B3GALT1: variants seen among roughly 807,000 people sequenced by gnomAD.
B3GALT1 encodes the protein beta-1,3-galactosyltransferase 1, also known as UDP-Gal:betaGlcNAc beta 1,3-galactosyltransferase, polypeptide 1.
Under a neutral mutation model 23.2 loss-of-function variants are expected in B3GALT1, and 10 were observed. The observed-to-expected ratio is 0.43, with a 90% CI of 0.27 to 0.73. The LOEUF is 0.73. Ranked by LOEUF, B3GALT1 falls within the 30% of genes least tolerant of loss-of-function variation. B3GALT1 has a pLI of 0.21. For synonymous variants in B3GALT1, 156 were observed against 141.5 expected, an observed-to-expected ratio of 1.10 and a Z score of -0.73; for missense variants, 299 against 405.4, an observed-to-expected ratio of 0.74 and a Z score of 2.25.
At chr2:167,384,753 C>G (rs1044484480) in intron 1 of B3GALT1, among the ~76,000 whole-genome samples, 6 of 152,078 alleles carry the variant, frequency 3.9e-5, no homozygotes, top group Non-Finnish European at 7.4e-5. Context: ...CTGGCCTTTT[C>G]TTTCTCTCAT....
intron 1 of B3GALT1, among the ~76,000 whole-genome samples, chr2:167,318,866 G>A (rs1696760499): frequency 6.6e-6 from 1 of 152,072 alleles, no homozygotes; most frequent in Admixed American, 6.5e-5. Context: ...GCCACAGAAA[G>A]CCAGCTGTGT....
At chr2:167,306,927 A>G (rs1696560850) in intron 1 of B3GALT1, among the ~76,000 whole-genome samples, 2 of 152,090 alleles carry the variant, frequency 1.3e-5, no homozygotes, top group African/African-American at 4.8e-5. Context: ...TGTGTCTCTT[A>G]TAATTGGTAT....
intron 3 of B3GALT1, among the ~76,000 whole-genome samples, chr2:167,655,977 G>A (rs941767929): frequency 8.6e-5 from 13 of 152,018 alleles, no homozygotes; most frequent in South Asian, 8.3e-4. Context: ...AGAAAGTGTC[G>A]AAGTATTCCA....
intron 4 of B3GALT1, among the ~76,000 whole-genome samples, chr2:167,833,264 C>G (rs13430582): frequency 0.013 from 1,986 of 152,308 alleles, 38 homozygotes; most frequent in African/African-American, 0.045. Context: ...CCCTCCTTGG[C>G]TTCTTTGTCC....
rs557648417 is a variant in B3GALT1, at chr2:167,651,477, G to A, written c.-352+4511G>A. Among the ~76,000 whole-genome samples, 9 of 151,954 alleles carry A rather than the reference G, an allele frequency of 5.9e-5. No individual in the cohort carries two copies. The South Asian group carries it at 1.0e-3, about 18-fold the overall frequency. On this transcript the variant is annotated intron_variant, in intron 3 of 4. Transcript: ENST00000392690. ...CTGAGTCACTAAATTATCTTTTAAC[G>A]TGTGCAGTCAACATAGTTGTTTCTT... is the stretch of plus-strand genomic sequence containing the variant.
At chr2:167,473,560 T>TA (rs1225282780) in intron 1 of B3GALT1, among the ~76,000 whole-genome samples, 1 of 152,090 alleles carries the variant, frequency 6.6e-6, no homozygotes, top group Non-Finnish European at 1.5e-5. Context: ...ATTATCATCA[T>TA]AGAGTGTTCC....
chr2:167,604,270 CATGTGATTAT>C (rs928421225), intron 2 of B3GALT1, among the ~76,000 whole-genome samples: 2 of 152,078 alleles, frequency 1.3e-5, no homozygotes, highest in African/African-American at 4.8e-5. Context: ...CAGCTGCCCC[CATGTGATTAT>C]ATGTGATTAT....
intron 2 of B3GALT1, among the ~76,000 whole-genome samples, chr2:167,618,360 A>C (rs1685196786): frequency 1.3e-5 from 2 of 152,080 alleles, no homozygotes; most frequent in African/African-American, 4.8e-5. Flanking sequence ...CATAGTACTC[A>C]ACTATTGACA....
At chr2:167,299,715 A>G (rs1696415449) in intron 1 of B3GALT1, among the ~76,000 whole-genome samples, 1 of 152,042 alleles carries the variant, frequency 6.6e-6, no homozygotes, top group Non-Finnish European at 1.5e-5. Flanking sequence ...TTAGCTGACT[A>G]AAATACAAAA....
At position 167,598,566 on chromosome 2, in the gene B3GALT1, C is replaced by A. The variant is rs541787880; in HGVS notation, c.-409-48343C>A. On this transcript the variant is annotated intron_variant, in intron 2 of 4. Transcript: ENST00000392690. ...CAAAAGCAGTATTTGGAAAATATTT[C>A]TATTATAGGCTCAAATATAGGCTCA... is the stretch of plus-strand genomic sequence containing the variant. 7.0e-4 allele frequency among the ~76,000 whole-genome samples: 106 copies of A among 152,216 alleles called. 1 individual carries two copies. The highest frequency in any genetic ancestry group is 2.4e-3 in the African/African-American group (99 of 41,540).
At chr2:167,636,535 C>A (rs527610163) in intron 2 of B3GALT1, among the ~76,000 whole-genome samples, 1 of 152,118 alleles carries the variant, frequency 6.6e-6, no homozygotes, top group African/African-American at 2.4e-5. Context: ...CACATGCACA[C>A]ATATGTTTAT....
intron 3 of B3GALT1, among the ~76,000 whole-genome samples, chr2:167,773,670 A>G (rs1031974270): frequency 2.0e-5 from 3 of 152,246 alleles, no homozygotes; most frequent in Admixed American, 1.3e-4. Context: ...TTGACCTGGC[A>G]AAGTGCTCAC....
At chr2:167,674,358 A>G (rs1214057154) in intron 3 of B3GALT1, among the ~76,000 whole-genome samples, 2 of 152,128 alleles carry the variant, frequency 1.3e-5, no homozygotes, top group Admixed American at 6.6e-5. Flanking sequence ...TATAGCTACT[A>G]CATTTTTTTC....
At chr2:167,303,259 A>G (rs1696480636) in intron 1 of B3GALT1, among the ~76,000 whole-genome samples, 1 of 152,146 alleles carries the variant, frequency 6.6e-6, no homozygotes, top group African/African-American at 2.4e-5. Flanking sequence ...TTAATTTTAT[A>G]ATAGATAATA....
rs1410501637 is a variant in B3GALT1 at position 167,766,509 on chromosome 2, C to T, written c.-351-52163C>T. 5.3e-5 allele frequency among the ~76,000 whole-genome samples: 8 copies of T among 152,238 alleles called. No individual in the cohort carries two copies. In the South Asian group the frequency reaches 6.2e-4, roughly 12 times the overall value. ...GCAATAATATCAGCCATTTATTCCA[C>T]GCCTAAAGAACTGAGGGTCCTGGGA... On this transcript the variant is annotated intron_variant, in intron 3 of 4. Transcript: ENST00000392690.
At chr2:167,710,247 T>A (rs2105517625) in intron 3 of B3GALT1, among the ~76,000 whole-genome samples, 1 of 152,284 alleles carries the variant, frequency 6.6e-6, no homozygotes, top group Middle Eastern at 3.4e-3. Context: ...AATGAAACAA[T>A]TTTTTTAAAC....
At chr2:167,508,258 ATTTT>A (rs71031292) in intron 2 of B3GALT1, among the ~76,000 whole-genome samples, 36 of 135,184 alleles carry the variant, frequency 2.7e-4, no homozygotes, top group African/African-American at 8.1e-4. Flanking sequence ...ATTTTTATTA[ATTTT>A]TTTTTTTTTT....
At position 167,459,172 on chromosome 2, in the gene B3GALT1, T is replaced by A. The variant is rs114069539; in HGVS notation, c.-510-31005T>A. On this transcript the variant is annotated intron_variant, in intron 1 of 4. Coordinates refer to ENST00000392690, the MANE Select transcript of B3GALT1 (RefSeq NM_020981.4). ...TTTTTTCACTTGTTTTCTATATACA[T>A]TAGTTTTTTTATTCCTCACACCCTT... Among the ~76,000 whole-genome samples the A allele has an allele frequency of 4.3e-3, 662 of 152,268 alleles. 7 individuals carry two copies. The highest frequency in any genetic ancestry group is 0.015 in the African/African-American group (620 of 41,550).
chr2:167,295,842 T>A (rs547577797), intron 1 of B3GALT1, among the ~76,000 whole-genome samples: 3 of 152,046 alleles, frequency 2.0e-5, no homozygotes, highest in African/African-American at 7.2e-5. Flanking sequence ...TTTAGATAAT[T>A]TTAAAACGAG....
Sources: allele counts gnomAD v4.1 joint callset (sites outside exome capture counted in the v4.1 genomes callset), GRCh38; gene constraint gnomAD v4.1.1; transcripts MANE v1.5; gene names NCBI Gene and HGNC (gene_info 2026-07-23, HGNC 2026-07-21).